SLC9A9: variants seen among roughly 807,000 people sequenced by gnomAD.
SLC9A9 encodes the protein solute carrier family 9 member A9.
A neutral mutation model predicts 77.8 loss-of-function variants in SLC9A9; 62 were observed. That is an observed-to-expected ratio of 0.80 (90% CI 0.65 to 0.98). SLC9A9 has a LOEUF of 0.98. SLC9A9 is among the 50% of genes least tolerant of loss of function. The pLI, the probability that SLC9A9 is intolerant of heterozygous loss-of-function variation, is 0.00. For synonymous variants in SLC9A9, 320 were observed against 283.5 expected, an observed-to-expected ratio of 1.13 and a Z score of -1.29; for missense variants, 775 against 774.9, an observed-to-expected ratio of 1.00 and a Z score of 0.00.
intron 2 of SLC9A9, among the ~76,000 whole-genome samples, chr3:143,830,565 G>A (rs2009409477): frequency 6.6e-6 from 1 of 152,126 alleles, no homozygotes; most frequent in African/African-American, 2.4e-5. Flanking sequence ...ACAGCAACAA[G>A]GATAATTATC....
chr3:143,772,569 A>G (rs1288552608), intron 4 of SLC9A9, among the ~76,000 whole-genome samples: 1 of 152,168 alleles, frequency 6.6e-6, no homozygotes, highest in Non-Finnish European at 1.5e-5. Context: ...CTCTGCCTAG[A>G]TGAAGCACAA....
intron 4 of SLC9A9, among the ~76,000 whole-genome samples, chr3:143,709,532 C>G (rs547520845): frequency 1.2e-4 from 18 of 152,228 alleles, no homozygotes; most frequent in African/African-American, 4.3e-4. Context: ...CAAAATAGCT[C>G]AGCCATTAGT....
At chr3:143,313,268 A>G (rs1038812126) in intron 14 of SLC9A9, 1 of 152,242 alleles carries the variant, frequency 6.6e-6, no homozygotes, top group African/African-American at 2.4e-5. Context: ...GTGCTCAGAC[A>G]CATAGGCACT....
At chr3:143,341,116 T>C (rs2032084489) in intron 14 of SLC9A9, among the ~76,000 whole-genome samples, 2 of 152,218 alleles carry the variant, frequency 1.3e-5, no homozygotes, top group Admixed American at 6.5e-5. Flanking sequence ...TTATGTGGAA[T>C]ATGATGAATT....
At chr3:143,311,538 T>C (rs939100627) in intron 14 of SLC9A9, among the ~76,000 whole-genome samples, 1 of 152,224 alleles carries the variant, frequency 6.6e-6, no homozygotes, top group African/African-American at 2.4e-5. Flanking sequence ...GCAGGTTGGG[T>C]GCTTCTACTC....
At chr3:143,613,227 C>G (rs937246890) in intron 6 of SLC9A9, among the ~76,000 whole-genome samples, 11 of 152,114 alleles carry the variant, frequency 7.2e-5, no homozygotes, top group African/African-American at 2.7e-4. Flanking sequence ...GTTTTTCTCC[C>G]TTTCTTTCTT....
rs182806448 is a variant in SLC9A9, at chr3:143,591,225, A to G, written c.756-12502T>C. Among the ~76,000 whole-genome samples the G allele has an allele frequency of 2.9e-4, 44 of 152,316 alleles. No homozygotes were observed. The East Asian group carries it at 7.7e-3, about 27-fold the overall frequency. On this transcript the variant is annotated intron_variant, in intron 6 of 15. Transcript: ENST00000316549. Reference sequence around the variant, plus strand: ...GCATCTGGGCCCCCATCACAGCTCAATTTAATTAAGAATCTGTATCCATCT... The same window carrying G: ...GCATCTGGGCCCCCATCACAGCTCAGTTTAATTAAGAATCTGTATCCATCT...
At chr3:143,508,474 T>G (rs537816591) in intron 9 of SLC9A9, among the ~76,000 whole-genome samples, 39 of 152,238 alleles carry the variant, frequency 2.6e-4, no homozygotes, top group Non-Finnish European at 4.0e-4. Context: ...GTGCTGCACT[T>G]GTCTGAAATA....
intron 12 of SLC9A9, among the ~76,000 whole-genome samples, chr3:143,425,491 T>G (rs1006886971): frequency 6.6e-6 from 1 of 152,214 alleles, no homozygotes; most frequent in South Asian, 2.1e-4. Context: ...ATTAAAACAA[T>G]GTACTGGCTG....
rs181258366 is a variant in SLC9A9, at chr3:143,644,099, A to G, written c.755+8156T>C. On this transcript the variant is annotated intron_variant, in intron 6 of 15. Coordinates refer to ENST00000316549, the MANE Select transcript of SLC9A9 (RefSeq NM_173653.4). ...TCAGAGACAATCGGGGCCAAGAGAG[A>G]AAAAGAACAGATAGACAGCCATGTT... is the stretch of plus-strand genomic sequence containing the variant. 2.0e-3 allele frequency among the ~76,000 whole-genome samples: 312 copies of G among 152,338 alleles called. 3 individuals carry two copies. Among genetic ancestry groups the G allele is most frequent in the African/African-American group, 6.7e-3 (278 of 41,586 alleles).
At chr3:143,563,250 G>A (rs2037116848) in intron 8 of SLC9A9, among the ~76,000 whole-genome samples, 2 of 152,160 alleles carry the variant, frequency 1.3e-5, no homozygotes, top group Non-Finnish European at 2.9e-5. Context: ...TATTTCCAGA[G>A]AGATCAATTT....
At chr3:143,776,921 T>C (rs1395794629) in intron 4 of SLC9A9, among the ~76,000 whole-genome samples, 1 of 152,234 alleles carries the variant, frequency 6.6e-6, no homozygotes, top group Non-Finnish European at 1.5e-5. Context: ...AACAATTTCA[T>C]GAATTCAATT....
chr3:143,324,257 GT>G (rs2031510003), intron 14 of SLC9A9, among the ~76,000 whole-genome samples: 6 of 152,112 alleles, frequency 3.9e-5, no homozygotes, highest in Admixed American at 3.9e-4. Flanking sequence ...CAGGCAGTGG[GT>G]GAGCCTTGTC....
chr3:143,793,687 G>A (rs1443266976), intron 4 of SLC9A9, among the ~76,000 whole-genome samples: 2 of 152,184 alleles, frequency 1.3e-5, no homozygotes, highest in Non-Finnish European at 2.9e-5. Flanking sequence ...TTTTGACAAC[G>A]GCCCTGATTC....
intron 4 of SLC9A9, among the ~76,000 whole-genome samples, chr3:143,779,247 GT>G (rs1402380835): frequency 1.3e-5 from 2 of 152,148 alleles, no homozygotes; most frequent in Non-Finnish European, 2.9e-5. Context: ...TCTTAACTAA[GT>G]ATGAAAAGCA....
At chr3:143,734,576 T>A (rs113827629) in intron 4 of SLC9A9, among the ~76,000 whole-genome samples, 1,544 of 151,336 alleles carry the variant, frequency 0.01, 21 homozygotes, top group African/African-American at 0.035. Context: ...TCTACTAAAA[T>A]ACAAAAAATT....
intron 14 of SLC9A9, among the ~76,000 whole-genome samples, chr3:143,271,651 A>T (rs1168725003): frequency 6.6e-6 from 1 of 152,132 alleles, no homozygotes. Context: ...GTGGTTCTAT[A>T]CCCCTAAACA....
At chr3:143,802,510 C>G (rs2008591350) in intron 2 of SLC9A9, among the ~76,000 whole-genome samples, 1 of 152,206 alleles carries the variant, frequency 6.6e-6, no homozygotes. Context: ...GACACTTTCA[C>G]TGGATGGGTA....
At chr3:143,424,045 G>T (rs2034358972) in intron 12 of SLC9A9, among the ~76,000 whole-genome samples, 1 of 152,168 alleles carries the variant, frequency 6.6e-6, no homozygotes, top group African/African-American at 2.4e-5. Context: ...GATTAAAGGG[G>T]ACTAAAGGGA....
Sources: gnomAD v4.1 joint callset for allele counts (sites outside exome capture counted in the v4.1 genomes callset) on GRCh38, gnomAD v4.1.1 for gene constraint, MANE v1.5 for transcripts, NCBI Gene and HGNC (gene_info 2026-07-23, HGNC 2026-07-21) for gene names.